TACC3: variants seen among roughly 807,000 people sequenced by gnomAD.
TACC3 encodes transforming acidic coiled-coil containing protein 3.
TACC3 carries 52 observed loss-of-function variants against 86.0 expected under a neutral mutation model. The observed-to-expected ratio is 0.60, with a 90% CI of 0.48 to 0.76. The LOEUF (loss-of-function observed/expected upper bound fraction) is 0.76, where lower values mean the gene tolerates loss of function less well. Among genes scored for constraint, TACC3 ranks in the 30% least tolerant of loss-of-function variants. TACC3 has a pLI of 0.00. For missense variants in TACC3, 1,120 were observed against 1,070.4 expected (o/e 1.05, Z -0.65); for synonymous variants, 512 against 430.0 (o/e 1.19, Z -2.36).
Position 1,740,812 on chromosome 4 carries a change from T to C in TACC3, c.2063-14T>C. The C allele has an allele frequency of 6.2e-7, 1 of 1,602,190 alleles. No individual in the cohort carries two copies. Among genetic ancestry groups the C allele is most frequent in the Non-Finnish European group, 8.5e-7 (1 of 1,176,526 alleles). On this transcript the variant is annotated splice_polypyrimidine_tract_variant and intron_variant, in intron 12 of 15. Transcript: ENST00000313288. Reference sequence around the variant, plus strand: ...TGCCTCCTCATCCTGAACGTTTGCTTTTCTTTTCTCAAGAGGAAGTTCAGA... The same window carrying C: ...TGCCTCCTCATCCTGAACGTTTGCTCTTCTTTTCTCAAGAGGAAGTTCAGA...
intron 4 of TACC3, among the ~76,000 whole-genome samples, chr4:1,730,230 CG>C (rs1717933313): frequency 6.6e-6 from 1 of 152,098 alleles, no homozygotes; most frequent in South Asian, 2.1e-4. Flanking sequence ...TTAGTAGAGA[CG>C]GGGTTTCACC....
rs1041709413 is a variant in TACC3 at position 1,745,165 on chromosome 4, A to T, written c.*152A>T. On this transcript the variant is annotated 3_prime_UTR_variant, in exon 16 of 16. Coordinates refer to ENST00000313288, the MANE Select transcript of TACC3 (RefSeq NM_006342.3). ...ATGACTCAATAAAAGTTTCCTTTCA[A>T]TTTAAACACTGAAGCCGCTCTGGTC... 2.3e-6 allele frequency: 2 copies of T among 862,372 alleles called. No individual in the cohort carries two copies. Among genetic ancestry groups the T allele is most frequent in the Middle Eastern group, 2.3e-4 (1 of 4,382 alleles). 53.4% of individuals were successfully genotyped at this position (862,372 alleles called of 1,614,324 possible).
chr4:1,740,154 G>C, intron 12 of TACC3, 152 bp downstream of exon 12: 2 of 732,442 alleles, frequency 2.7e-6, no homozygotes, highest in East Asian at 2.7e-5. Context: ...GGCCGTGGAA[G>C]CACTGAGGCG....
intron 6 of TACC3, among the ~76,000 whole-genome samples, chr4:1,732,571 A>T (rs959986841): frequency 1.9e-5 from 2 of 102,588 alleles, no homozygotes; most frequent in African/African-American, 3.8e-5. Flanking sequence ...CTCAATTTAG[A>T]GAACTGAAAA....
At chr4:1,728,989 C>G (rs770461048) in intron 4 of TACC3, among the ~76,000 whole-genome samples, 1 of 152,218 alleles carries the variant, frequency 6.6e-6, no homozygotes, top group Non-Finnish European at 1.5e-5. Context: ...TGCCATGCAT[C>G]TCTTTAGTGC....
Position 1,737,306 on chromosome 4 carries a change from T to C in TACC3, c.1814T>C (p.Phe605Ser), listed in dbSNP as rs1382343658. Residue 605 changes from phenylalanine (F) to serine (S), a missense_variant, in exon 9 of 16, where the codon TTC (phenylalanine) becomes TCC (serine). Transcript: ENST00000313288. ...PREAKLVEFDFLGALDIPVPG... is the reference protein window; with the variant it reads ...PREAKLVEFDSLGALDIPVPG... Reference sequence around the variant, plus strand: ...GAAGCCAAGCTTGTGGAGTTCGATTTCTTGGGAGCACTGGACATTCCTGTA... The same window carrying C: ...GAAGCCAAGCTTGTGGAGTTCGATTCCTTGGGAGCACTGGACATTCCTGTA... 3.1e-6 allele frequency: 5 copies of C among 1,614,110 alleles called. No homozygotes were observed. Among genetic ancestry groups the C allele is most frequent in the Non-Finnish European group, 4.2e-6 (5 of 1,179,996 alleles).
intron 6 of TACC3, among the ~76,000 whole-genome samples, chr4:1,734,868 ACTC>A (rs1288193879): frequency 6.6e-6 from 1 of 151,540 alleles, no homozygotes; most frequent in Non-Finnish European, 1.5e-5. Flanking sequence ...GCCCTGTTGA[ACTC>A]CTGGGCTCAA....
In TACC3 at chr4:1,730,863, C is replaced by T. The variant is rs1422463651; in HGVS notation, c.1386-24C>T. The T allele has an allele frequency of 8.7e-6, 14 of 1,610,810 alleles. No homozygotes were observed. The Admixed American group carries it at 2.3e-4, about 27-fold the overall frequency. ...GGGGTTATGGGGTGGGGGGCATGGGCCTCTGCTGACTCTGTCTCCCCAGGC... is the reference window on the plus strand; with the variant it reads ...GGGGTTATGGGGTGGGGGGCATGGGTCTCTGCTGACTCTGTCTCCCCAGGC... On this transcript the variant is annotated intron_variant, in intron 4 of 15. Coordinates refer to ENST00000313288, the MANE Select transcript of TACC3 (RefSeq NM_006342.3).
At chr4:1,725,227 C>T (rs571516015) in intron 3 of TACC3, among the ~76,000 whole-genome samples, 47 of 152,286 alleles carry the variant, frequency 3.1e-4, no homozygotes, top group Non-Finnish European at 5.4e-4. Flanking sequence ...CCACCACGCC[C>T]GGCTGGCCCA....
At chr4:1,729,895 G>A (rs1472697207) in intron 4 of TACC3, among the ~76,000 whole-genome samples, 3 of 152,180 alleles carry the variant, frequency 2.0e-5, no homozygotes, top group African/African-American at 7.2e-5. Flanking sequence ...CTTCCCAAGT[G>A]CTGGTGTTAC....
intron 3 of TACC3, among the ~76,000 whole-genome samples, chr4:1,725,779 CTG>C (rs1383774282): frequency 1.3e-5 from 2 of 152,246 alleles, no homozygotes; most frequent in South Asian, 2.1e-4. Flanking sequence ...GTGGTGGTCA[CTG>C]TGGTGCTCCC....
rs965108054 is a variant in TACC3, at chr4:1,744,367, G to A, written c.2224-151G>A. 13 of 681,550 alleles carry A rather than the reference G, an allele frequency of 1.9e-5. No homozygotes were observed. In the Admixed American group the frequency reaches 3.4e-4, roughly 18 times the overall value. 42.2% of individuals were successfully genotyped at this position (681,550 alleles called of 1,614,324 possible). On this transcript the variant is annotated intron_variant, in intron 13 of 15. Coordinates refer to ENST00000313288, the MANE Select transcript of TACC3 (RefSeq NM_006342.3). ...GAGGGGGTGAGCTGGGAACTTGTGT[G>A]AAGGGGCTTTTTCCAAAAGGAAAAC... is the stretch of plus-strand genomic sequence containing the variant.
intron 6 of TACC3, among the ~76,000 whole-genome samples, chr4:1,731,636 C>T (rs1718013363): frequency 1.3e-5 from 2 of 151,986 alleles, no homozygotes; most frequent in Non-Finnish European, 2.9e-5. Flanking sequence ...CTGCTTGAAA[C>T]GACCTTCTTT....
At chr4:1,725,239 A>G (rs1382473815) in intron 3 of TACC3, among the ~76,000 whole-genome samples, 1 of 152,068 alleles carries the variant, frequency 6.6e-6, no homozygotes, top group Non-Finnish European at 1.5e-5. Flanking sequence ...GCTGGCCCAA[A>G]ACTTTTAAGC....
At position 1,728,025 on chromosome 4, in the gene TACC3, CAG is replaced by C; in HGVS notation, c.626_627del (p.Glu209ValfsTer48). ...GAGACCCTAGAAGACCCTTGCAGGA[CAG>C]AGTCCCAGCACAAAGCGGAGACTCC... On this transcript the variant is annotated frameshift_variant, in exon 4 of 16. Transcript: ENST00000313288. LOFTEE classifies it high-confidence loss of function. 1 of 1,613,186 alleles carries C rather than the reference CAG, an allele frequency of 6.2e-7. No homozygotes were observed. Among genetic ancestry groups the C allele is most frequent in the Non-Finnish European group, 8.5e-7 (1 of 1,180,044 alleles).
At chr4:1,723,306 A>G (rs900057454) in intron 1 of TACC3, 115 bp from the exon 2 acceptor site, 15 of 1,064,712 alleles carry the variant, frequency 1.4e-5, no homozygotes, top group African/African-American at 3.2e-5. Flanking sequence ...TTCCAGAGCA[A>G]TGAGCACACC....
upstream of TACC3, chr4:1,720,711 T>A: frequency 1.3e-6 from 2 of 1,558,652 alleles, no homozygotes; most frequent in African/African-American, 2.7e-5. This position sits in a 1 kb window ranked among gnomAD's most constrained non-coding sequence, Gnocchi z 4.4. Flanking sequence ...GCGTCCTCGC[T>A]GCCCAGCCAG....
At chr4:1,733,430 A>T (rs930117063) in intron 6 of TACC3, among the ~76,000 whole-genome samples, 10 of 152,122 alleles carry the variant, frequency 6.6e-5, no homozygotes, top group Non-Finnish European at 1.3e-4. Flanking sequence ...CCGAGGCAGG[A>T]TTGTTTGAGC....
intron 6 of TACC3, among the ~76,000 whole-genome samples, chr4:1,734,121 G>A (rs1427804058): frequency 6.6e-6 from 1 of 152,208 alleles, no homozygotes; most frequent in Non-Finnish European, 1.5e-5. Context: ...CATGAAGAAA[G>A]GGACAAAACT....
Sources: gnomAD v4.1 joint callset for allele counts (sites outside exome capture counted in the v4.1 genomes callset) on GRCh38, gnomAD v4.1.1 for gene constraint, Gnocchi (gnomAD v3.1) non-coding constraint, MANE v1.5 for transcripts, NCBI Gene and HGNC (gene_info 2026-07-23, HGNC 2026-07-21) for gene names.